Variants in TBC1D2B observed in about 807,000 individuals in gnomAD.
The protein encoded by TBC1D2B is TBC1 domain family, member 2B.
In TBC1D2B, 64 loss-of-function variants were observed where a neutral mutation model predicts 100.8. The ratio of observed to expected loss-of-function variants is 0.64; its 90% CI spans 0.52 to 0.78. The LOEUF (loss-of-function observed/expected upper bound fraction) is 0.78, where lower values mean the gene tolerates loss of function less well. Ranked by LOEUF, TBC1D2B falls within the 30% of genes least tolerant of loss-of-function variation. The pLI is 0.00. For synonymous variants in TBC1D2B, 480 were observed against 479.7 expected (o/e 1.00, Z -0.01); for missense variants, 1,052 against 1,218.4 (o/e 0.86, Z 2.03).
At position 78,001,600 on chromosome 15, in the gene TBC1D2B, A is replaced by C. The variant is rs771405415; in HGVS notation, c.2696+19T>G. On this transcript the variant is annotated intron_variant, in intron 12 of 12. Coordinates refer to ENST00000300584, the MANE Select transcript of TBC1D2B (RefSeq NM_144572.2). Reference sequence around the variant, plus strand: ...GGCTTCCTGCTCTCCTTGACATCTGAGAACTCCCCAGGACTCACCTAGCAT... The same window carrying C: ...GGCTTCCTGCTCTCCTTGACATCTGCGAACTCCCCAGGACTCACCTAGCAT... The C allele has an allele frequency of 1.9e-6, 3 of 1,598,484 alleles. No homozygotes were observed.
chr15:78,075,190 ATT>A (rs2073809133), intron 1 of TBC1D2B, among the ~76,000 whole-genome samples: 1 of 151,416 alleles, frequency 6.6e-6, no homozygotes, highest in Admixed American at 6.6e-5. Flanking sequence ...GTAGATTCTT[ATT>A]TATTATTTTT....
chr15:78,012,794 A>G (rs1162166706), intron 9 of TBC1D2B, 29 bp downstream of exon 9: 8 of 1,420,732 alleles, frequency 5.6e-6, no homozygotes. Context: ...CCTAATGGCA[A>G]ATGGGAACAT....
intron 1 of TBC1D2B, among the ~76,000 whole-genome samples, chr15:78,056,831 T>G (rs2073435180): frequency 6.6e-6 from 1 of 151,900 alleles, no homozygotes; most frequent in South Asian, 2.1e-4. Flanking sequence ...AAGTGTGTGT[T>G]TGGGTGGGGG....
intron 3 of TBC1D2B, among the ~76,000 whole-genome samples, chr15:78,032,120 G>T (rs927203283): frequency 6.6e-6 from 1 of 152,268 alleles, no homozygotes; most frequent in Non-Finnish European, 1.5e-5. Context: ...TTGTGGCTTC[G>T]ATGTAAGAAA....
chr15:78,022,693 G>A (rs1208014240), intron 6 of TBC1D2B, among the ~76,000 whole-genome samples: 2 of 151,828 alleles, frequency 1.3e-5, no homozygotes, highest in African/African-American at 4.8e-5. Flanking sequence ...GGGACCACAA[G>A]TGCAAGCCAC....
Position 78,030,155 on chromosome 15 carries a change from A to G in TBC1D2B, c.699T>C (p.Ser233=), listed in dbSNP as rs930135943. ...WGNELKNSMS[S]FRPGRGHNDS... Reference sequence around the variant, plus strand: ...CATTATGTCCTCTCCCAGGACGGAAAGAAGACATCGAATTCCTGTTGGGAA... The same window carrying G: ...CATTATGTCCTCTCCCAGGACGGAAGGAAGACATCGAATTCCTGTTGGGAA... Residue 233 remains serine (S), a synonymous_variant, in exon 4 of 13, where the codon TCT becomes TCC. Transcript: ENST00000300584. 9 of 1,606,754 alleles carry G rather than the reference A, an allele frequency of 5.6e-6. No individual in the cohort carries two copies. In the Admixed American group the frequency reaches 8.6e-5, roughly 15 times the overall value.
At chr15:78,041,153 C>G (rs761639446) in intron 3 of TBC1D2B, among the ~76,000 whole-genome samples, 2 of 152,204 alleles carry the variant, frequency 1.3e-5, no homozygotes, top group Admixed American at 6.5e-5. Context: ...CACATCCTCA[C>G]AGCAATTTTT....
chr15:78,005,316 G>A (rs1000785063), intron 10 of TBC1D2B, among the ~76,000 whole-genome samples: 6 of 152,166 alleles, frequency 3.9e-5, no homozygotes, highest in Admixed American at 2.0e-4. Context: ...CAAGGTCCTG[G>A]CACAGAACAT....
chr15:78,077,599 C>A lies in TBC1D2B; in HGVS notation c.54G>T (p.Ala18=). 1.8e-6 allele frequency: 2 copies of A among 1,125,612 alleles called. No homozygotes were observed. Among genetic ancestry groups the A allele is most frequent in the South Asian group, 4.3e-5 (1 of 23,382 alleles). The allele number at this position is 1,125,612 out of a possible 1,614,324, so 69.7% of individuals were successfully genotyped here. Residue 18 remains alanine (A), a synonymous_variant, in exon 1 of 13, where the codon GCG becomes GCT. Coordinates refer to ENST00000300584, the MANE Select transcript of TBC1D2B (RefSeq NM_144572.2). ...CGGGCTCCGCGGCCGCCCCCTGCGC[C>A]GCGCCCTCGCCGCCGCCGCCGCCCT... is the stretch of plus-strand genomic sequence containing the variant. The part of the protein sequence containing the change: ...AEEGGGGGEG[A]AQGAAAEPGA...
At chr15:78,027,936 G>C (rs2072713275) in intron 4 of TBC1D2B, among the ~76,000 whole-genome samples, 1 of 152,112 alleles carries the variant, frequency 6.6e-6, no homozygotes, top group Non-Finnish European at 1.5e-5. Flanking sequence ...GGGCCAGTGG[G>C]TTCTACACCA....
At chr15:78,057,008 G>A (rs12148365) in intron 1 of TBC1D2B, among the ~76,000 whole-genome samples, 40,316 of 151,948 alleles carry the variant, frequency 0.27, 5,832 homozygotes, top group East Asian at 0.36. Flanking sequence ...ATTTATGCTC[G>A]GGAGCCACAG....
intron 1 of TBC1D2B, among the ~76,000 whole-genome samples, chr15:78,076,637 A>C (rs934665526): frequency 6.6e-6 from 1 of 151,984 alleles, no homozygotes. Flanking sequence ...CTGTGGTCCC[A>C]GCTACTTGGG....
chr15:77,998,404 G>A (rs766654521), intron 12 of TBC1D2B, 49 bp from the exon 13 acceptor site: 1 of 1,502,306 alleles, frequency 6.7e-7, no homozygotes, highest in Non-Finnish European at 9.0e-7. Flanking sequence ...GCTCCAGAGA[G>A]TGCTCACACA....
chr15:78,077,398 C>T lies in TBC1D2B; in HGVS notation c.255G>A (p.Ala85=), dbSNP rs750948378. ...DALPLGHLDI[A]DACFSYQGPD... is the part of the protein sequence containing the mutation. ...GGCCCTGGTAGCTGAAGCAGGCGTC[C>T]GCGATGTCCAAGTGGCCGAGGGGCA... Residue 85 remains alanine (A), a synonymous_variant, in exon 1 of 13, where the codon GCG becomes GCA. Coordinates refer to ENST00000300584, the MANE Select transcript of TBC1D2B (RefSeq NM_144572.2). The T allele has an allele frequency of 1.3e-6, 2 of 1,545,852 alleles. No homozygotes were observed. The highest frequency in any genetic ancestry group is 1.2e-5 in the South Asian group (1 of 83,632).
At chr15:78,023,880 G>A (rs948368456) in intron 6 of TBC1D2B, among the ~76,000 whole-genome samples, 1 of 152,212 alleles carries the variant, frequency 6.6e-6, no homozygotes, top group Non-Finnish European at 1.5e-5. Context: ...AAGTACTAAG[G>A]GTGGTATATA....
intron 9 of TBC1D2B, among the ~76,000 whole-genome samples, chr15:78,009,557 AG>A: frequency 6.6e-6 from 1 of 151,130 alleles, no homozygotes; most frequent in Admixed American, 6.6e-5. Context: ...AAAAAAAAGG[AG>A]GGGGTGCATT....
Position 78,009,038 on chromosome 15 carries a change from T to C in TBC1D2B, c.2347A>G (p.Met783Val). Residue 783 changes from methionine (M) to valine (V), a missense_variant, in exon 10 of 13, where the codon ATG becomes GTG. By Grantham distance (21) the Met-to-Val change is conservative. Transcript: ENST00000300584. ...WCLVTIVEVFMPRDYYTKTLL... is the reference protein window; with the variant it reads ...WCLVTIVEVFVPRDYYTKTLL... ...GTCTTTGTATAATAGTCTCGAGGCA[T>C]GAAAACTTCCACTATGGTAACGAGA... 2 of 1,607,490 alleles carry C rather than the reference T, an allele frequency of 1.2e-6. No homozygotes were observed. The highest frequency in any genetic ancestry group is 1.7e-6 in the Non-Finnish European group (2 of 1,176,774).
In TBC1D2B at chr15:78,077,581, C is replaced by G. The variant is rs1308008311; in HGVS notation, c.72G>C (p.Ala24=). The change falls in exon 1 of 13, where the codon GCG becomes GCC. Residue 24 remains alanine (A), a synonymous_variant. Transcript: ENST00000300584. ...CCCGCGCCGGACCCGCCCCGGGCTCCGCGGCCGCCCCCTGCGCCGCGCCCT... is the reference window on the plus strand; with the variant it reads ...CCCGCGCCGGACCCGCCCCGGGCTCGGCGGCCGCCCCCTGCGCCGCGCCCT... ...GGEGAAQGAA[A]EPGAGPAREP... is the part of the protein sequence containing the mutation. 1 of 1,340,674 alleles carries G rather than the reference C, an allele frequency of 7.5e-7. No homozygotes were observed. Among genetic ancestry groups the G allele is most frequent in the Non-Finnish European group, 9.6e-7 (1 of 1,039,938 alleles). The allele number at this position is 1,340,674 out of a possible 1,614,324, so 83.0% of individuals were successfully genotyped here.
chr15:78,040,695 G>A (rs1412483990), intron 3 of TBC1D2B, among the ~76,000 whole-genome samples: 1 of 139,880 alleles, frequency 7.1e-6, no homozygotes, highest in Non-Finnish European at 1.5e-5. Flanking sequence ...GAAAGAAAGG[G>A]GGGGAGGGAG....
Sources: gnomAD v4.1 joint callset for allele counts (sites outside exome capture counted in the v4.1 genomes callset) on GRCh38, gnomAD v4.1.1 for gene constraint, MANE v1.5 for transcripts, NCBI Gene and HGNC (gene_info 2026-07-23, HGNC 2026-07-21) for gene names.